Variants in KNTC1 observed in about 807,000 individuals in gnomAD.
KNTC1 encodes the protein kinetochore associated 1.
In KNTC1, 253 loss-of-function variants were observed where a neutral mutation model predicts 314.4. The ratio of observed to expected loss-of-function variants is 0.80; its 90% confidence interval spans 0.73 to 0.89. The LOEUF (loss-of-function observed/expected upper bound fraction) is 0.89, where lower values mean the gene tolerates loss of function less well. KNTC1 is among the 40% of genes least tolerant of loss of function. The probability of loss-of-function intolerance (pLI) is 0.00; values close to 1 mark genes in which losing one functional copy is unlikely to be tolerated. For synonymous variants in KNTC1, 901 were observed against 901.4 expected (o/e 1.00, Z 0.01); for missense variants, 2,475 against 2,572.9 (o/e 0.96, Z 0.82).
rs1162733389 is a variant in KNTC1 at position 122,571,114 on chromosome 12, T to C, written c.2007T>C (p.His669=). ...TDELGLASSW[H]WISLKDYQNT... is the part of the protein sequence containing the mutation. ...AGTTGGGATTGGCATCTTCCTGGCATTGGATTTCCTTGGTATGATGTGAGA... is the reference window on the plus strand; with the variant it reads ...AGTTGGGATTGGCATCTTCCTGGCACTGGATTTCCTTGGTATGATGTGAGA... The change falls in exon 24 of 64, where the codon CAT becomes CAC. Residue 669 remains histidine, a synonymous_variant. Transcript: ENST00000333479. The C allele has an allele frequency of 3.7e-6, 6 of 1,611,482 alleles. No individual in the cohort carries two copies. Among genetic ancestry groups the C allele is most frequent in the Non-Finnish European group, 5.1e-6 (6 of 1,177,746 alleles).
At chr12:122,571,836 AT>A (rs1248261350) in intron 24 of KNTC1, among the ~76,000 whole-genome samples, 1 of 151,320 alleles carries the variant, frequency 6.6e-6, no homozygotes, top group African/African-American at 2.4e-5. Flanking sequence ...CGCCTGGCTA[AT>A]TTTTTTTATA....
chr12:122,621,898 T>A lies in KNTC1; in HGVS notation c.6297T>A (p.Cys2099Ter). The stretch of plus-strand genomic sequence containing the variant: ...TTCTCTAGAATTTTCTGGGTTCCTG[T>A]GACCCTCAGGTTATTTTAAAGCAAT... The part of the protein sequence containing the change: ...HQQIKNFLGS[C>*]DPQVILKQLE... The change falls in exon 61 of 64, where the codon TGT becomes TGA. Residue 2099 changes from cysteine (C) to a stop codon, truncating the protein, a stop_gained. Coordinates refer to ENST00000333479, the MANE Select transcript of KNTC1 (RefSeq NM_014708.6). LOFTEE classifies it high-confidence loss of function. 1 of 1,602,276 alleles carries A rather than the reference T, an allele frequency of 6.2e-7. No individual in the cohort carries two copies. Among genetic ancestry groups the A allele is most frequent in the East Asian group, 2.2e-5 (1 of 44,746 alleles).
intron 55 of KNTC1, 77 bp from the exon 56 acceptor site, chr12:122,614,914 C>G: frequency 1.0e-6 from 1 of 953,226 alleles, no homozygotes; most frequent in Non-Finnish European, 1.6e-6. Context: ...TTGTATTAAG[C>G]TGCCCTACTT....
intron 51 of KNTC1, among the ~76,000 whole-genome samples, chr12:122,606,589 T>C (rs1872615994): frequency 1.3e-5 from 2 of 152,206 alleles, no homozygotes; most frequent in African/African-American, 4.8e-5. Flanking sequence ...TTTCAGATGC[T>C]GTCTTGTATG....
intron 42 of KNTC1, 133 bp from the exon 43 acceptor site, chr12:122,594,143 G>A (rs985034796): frequency 1.8e-5 from 11 of 608,998 alleles, no homozygotes; most frequent in African/African-American, 7.4e-5. Context: ...GGTAGTGTGA[G>A]GTTGGAGGAG....
At chr12:122,574,769 C>T (rs1964909788) in intron 27 of KNTC1, among the ~76,000 whole-genome samples, 1 of 152,160 alleles carries the variant, frequency 6.6e-6, no homozygotes, top group Non-Finnish European at 1.5e-5. Flanking sequence ...ATTTCCACCC[C>T]CAGGGGAACC....
At chr12:122,583,029 C>T (rs745946070) in intron 34 of KNTC1, 44 bp downstream of exon 34, 18 of 1,542,144 alleles carry the variant, frequency 1.2e-5, no homozygotes, top group African/African-American at 9.6e-5. Flanking sequence ...TCTGAAATTG[C>T]GGCTGGGCAC....
intron 34 of KNTC1, among the ~76,000 whole-genome samples, chr12:122,584,014 A>C (rs1360634559): frequency 6.6e-6 from 1 of 152,076 alleles, no homozygotes; most frequent in Non-Finnish European, 1.5e-5. Context: ...AGTCTCAGCT[A>C]CTTGGGAGGC....
chr12:122,621,554 C>T (rs57142071), intron 60 of KNTC1, among the ~76,000 whole-genome samples: 5,337 of 152,238 alleles, frequency 0.035, 343 homozygotes, highest in African/African-American at 0.12. Context: ...AGGCAGGTCT[C>T]GAACTCCTGA....
Position 122,585,768 on chromosome 12 carries a change from C to G in KNTC1, c.3667C>G (p.Leu1223Val). The change falls in exon 37 of 64, where the codon CTA becomes GTA. Residue 1223 changes from leucine to valine, a missense_variant. Leu to Val is a conservative substitution (Grantham distance 32). Transcript: ENST00000333479. ...TGAACTGATTTCATCTCTTGTGCCT[C>G]TAGCTGGTAAGTCTTATTTGTATCA... ...IYELISSLVP[L>V]AESKRYPLES... is the part of the protein sequence containing the mutation. The G allele has an allele frequency of 3.7e-6, 6 of 1,613,514 alleles. No individual in the cohort carries two copies. Among genetic ancestry groups the G allele is most frequent in the Non-Finnish European group, 5.1e-6 (6 of 1,179,546 alleles).
chr12:122,535,398 T>G (rs1004720782), intron 3 of KNTC1, among the ~76,000 whole-genome samples: 1 of 152,100 alleles, frequency 6.6e-6, no homozygotes, highest in East Asian at 1.9e-4. Context: ...CCTTGTACTT[T>G]GGAAGGCCCA....
intron 38 of KNTC1, among the ~76,000 whole-genome samples, chr12:122,587,405 T>C (rs1277285783): frequency 1.3e-5 from 2 of 152,268 alleles, no homozygotes; most frequent in African/African-American, 2.4e-5. Context: ...CAGTAGATTA[T>C]GTGATTTGGC....
At chr12:122,584,224 G>A in intron 34 of KNTC1, 54 bp from the exon 35 acceptor site, 1 of 1,261,976 alleles carries the variant, frequency 7.9e-7, no homozygotes, top group Non-Finnish European at 1.1e-6. Flanking sequence ...GAAAGGCCAT[G>A]CGTTCACTTT....
intron 42 of KNTC1, among the ~76,000 whole-genome samples, chr12:122,592,358 A>G (rs930340457): frequency 5.3e-5 from 8 of 152,134 alleles, no homozygotes; most frequent in Admixed American, 5.2e-4. Flanking sequence ...ATGCCGCCCC[A>G]TGCTCCACGG....
rs886213707 is a variant in KNTC1, at chr12:122,614,458, T to C, written c.5878-533T>C. ...TTTTTGGTCCAACAGGCAAACTTTT[T>C]CAATAGAAGAAAGAAAGGGGGAGAC... On this transcript the variant is annotated intron_variant, in intron 55 of 63. Coordinates refer to ENST00000333479, the MANE Select transcript of KNTC1 (RefSeq NM_014708.6). Among the ~76,000 whole-genome samples the C allele has an allele frequency of 3.3e-5, 5 of 152,230 alleles. No homozygotes were observed. The East Asian group carries it at 9.7e-4, about 29-fold the overall frequency.
chr12:122,568,423 G>A, intron 21 of KNTC1, 51 bp downstream of exon 21: 1 of 988,972 alleles, frequency 1.0e-6, no homozygotes, highest in South Asian at 1.3e-5. Context: ...CCTGAGTTAG[G>A]TGATTGAATC....
Position 122,584,846 on chromosome 12 carries a change from A to G in KNTC1, c.3437-47A>G, listed in dbSNP as rs188787989. On this transcript the variant is annotated intron_variant, in intron 35 of 63. Coordinates refer to ENST00000333479, the MANE Select transcript of KNTC1 (RefSeq NM_014708.6). ...ATTAAAAGGTTGTTTTCATTATCCT[A>G]AAGACATGAAATATGAGTTTAATGA... The G allele has an allele frequency of 2.4e-4, 237 of 979,130 alleles. 2 individuals are homozygous for G. The East Asian group carries it at 5.0e-3, about 21-fold the overall frequency. 60.7% of individuals were successfully genotyped at this position (979,130 alleles called of 1,614,324 possible). A position where few individuals can be genotyped will look rare whatever the true frequency, so the allele number is the denominator to read the frequency against.
At chr12:122,562,470 TG>T (rs1308477384) in intron 19 of KNTC1, among the ~76,000 whole-genome samples, 167 bp from the exon 20 acceptor site, 18 of 151,288 alleles carry the variant, frequency 1.2e-4, no homozygotes, top group Admixed American at 6.6e-5. Context: ...TGTGTGTGTG[TG>T]TGTGTGTGTA....
chr12:122,598,883 C>T (rs1018537752), intron 44 of KNTC1, among the ~76,000 whole-genome samples: 1 of 151,646 alleles, frequency 6.6e-6, no homozygotes, highest in South Asian at 2.1e-4. Context: ...GAACATGGCT[C>T]ATGGCAGCCT....
Sources: gnomAD v4.1 joint callset for allele counts (sites outside exome capture counted in the v4.1 genomes callset) on GRCh38, gnomAD v4.1.1 for gene constraint, MANE v1.5 for transcripts, NCBI Gene and HGNC (gene_info 2026-07-23, HGNC 2026-07-21) for gene names.